Variants in CDK5RAP1 observed in about 807,000 individuals in gnomAD.
CDK5RAP1 encodes the protein mitochondrial tRNA methylthiotransferase CDK5RAP1.
A neutral mutation model predicts 64.5 loss-of-function variants in CDK5RAP1; 62 were observed. The observed-to-expected ratio is 0.96, with a 90% CI of 0.78 to 1.19. The LOEUF (loss-of-function observed/expected upper bound fraction) is 1.19. Among genes scored for constraint, CDK5RAP1 ranks in the 50% most tolerant of loss-of-function variants. The pLI, the probability that CDK5RAP1 is intolerant of heterozygous loss-of-function variation, is 0.00. For synonymous variants in CDK5RAP1, 250 were observed against 261.9 expected, an observed-to-expected ratio of 0.95 and a Z score of 0.44; for missense variants, 657 against 735.0, an observed-to-expected ratio of 0.89 and a Z score of 1.23.
intron 12 of CDK5RAP1, among the ~76,000 whole-genome samples, chr20:33,363,485 TG>T (rs1014347664): frequency 2.0e-4 from 30 of 152,178 alleles, no homozygotes; most frequent in Non-Finnish European, 4.1e-4. Flanking sequence ...TTTGGGGGTT[TG>T]GGGACATCAG....
At position 33,366,844 on chromosome 20, in the gene CDK5RAP1, C is replaced by A. The variant is rs1330502483; in HGVS notation, c.1542+15G>T. ...AACATAAAAAACAACATAACACACACACATATGGCCTCACCCCTTCCACTA... is the reference window on the plus strand; with the variant it reads ...AACATAAAAAACAACATAACACACAAACATATGGCCTCACCCCTTCCACTA... On this transcript the variant is annotated intron_variant, in intron 12 of 13. Coordinates refer to ENST00000346416, the MANE Select transcript of CDK5RAP1 (RefSeq NM_016408.4). 1.9e-6 allele frequency: 3 copies of A among 1,595,244 alleles called. No individual in the cohort carries two copies. Among genetic ancestry groups the A allele is most frequent in the Admixed American group, 3.6e-5 (2 of 55,418 alleles).
chr20:33,364,273 C>G (rs1983483827), intron 12 of CDK5RAP1, among the ~76,000 whole-genome samples: 1 of 150,092 alleles, frequency 6.7e-6, no homozygotes, highest in Non-Finnish European at 1.5e-5. Context: ...ACTGCAACCT[C>G]TGCCTCCCAG....
At position 33,380,569 on chromosome 20, in the gene CDK5RAP1, G is replaced by C. The variant is rs184677377; in HGVS notation, c.877-878C>G. Among the ~76,000 whole-genome samples, 7 of 152,186 alleles carry C rather than the reference G, an allele frequency of 4.6e-5. No homozygotes were observed. The East Asian group carries it at 1.4e-3, about 29-fold the overall frequency. ...AGAAGATACATACTGAAGTATCTAGGGGCAAGTGTCCTGAGGTCTACAAAT... is the reference window on the plus strand; with the variant it reads ...AGAAGATACATACTGAAGTATCTAGCGGCAAGTGTCCTGAGGTCTACAAAT... On this transcript the variant is annotated intron_variant, in intron 7 of 13. Transcript: ENST00000346416.
At chr20:33,381,819 T>C (rs1049935154) in intron 7 of CDK5RAP1, among the ~76,000 whole-genome samples, 1 of 152,268 alleles carries the variant, frequency 6.6e-6, no homozygotes, top group South Asian at 2.1e-4. Context: ...CCAGTCTCCA[T>C]AAAGGCTATT....
At chr20:33,381,084 G>C (rs1986698542) in intron 7 of CDK5RAP1, among the ~76,000 whole-genome samples, 1 of 150,980 alleles carries the variant, frequency 6.6e-6, no homozygotes, top group Non-Finnish European at 1.5e-5. Flanking sequence ...ATAATTTACA[G>C]ACAAACTGCA....
chr20:33,392,143 T>C lies in CDK5RAP1; in HGVS notation c.543A>G (p.Leu181=). 2 of 1,594,774 alleles carry C rather than the reference T, an allele frequency of 1.3e-6. No homozygotes were observed. The highest frequency in any genetic ancestry group is 1.7e-6 in the Non-Finnish European group (2 of 1,165,236). Residue 181 remains leucine (L), a splice_region_variant and synonymous_variant, in exon 5 of 14, where the codon CTA becomes CTG. Transcript: ENST00000346416. The stretch of plus-strand genomic sequence containing the variant: ...CAAAATGTGCAAATTACCAGATACC[T>C]AGAATTCCAATCCTCAGAGGAACCC... ...RSRVPLRIGI[L]GCMAERLKEE... is the part of the protein sequence containing the mutation.
rs76619533 is a variant in CDK5RAP1, at chr20:33,393,350, G to C, written c.443+682C>G. On this transcript the variant is annotated intron_variant, in intron 4 of 13. Transcript: ENST00000346416. ...CCTACTACACCCAGCCTCATTGTTT[G>C]ATTTTTTTTGAACTAGCATTTTTTG... Among the ~76,000 whole-genome samples, 1,200 of 151,932 alleles carry C rather than the reference G, an allele frequency of 7.9e-3. 9 individuals are homozygous for C. Among genetic ancestry groups the C allele is most frequent in the African/African-American group, 0.026 (1,072 of 41,388 alleles).
chr20:33,374,994 G>A (rs1204486181), intron 8 of CDK5RAP1, among the ~76,000 whole-genome samples: 2 of 151,552 alleles, frequency 1.3e-5, no homozygotes, highest in African/African-American at 4.9e-5. Context: ...GTGAGACCTT[G>A]GGTCTATTTT....
rs757353978 is a variant in CDK5RAP1 at position 33,360,491 on chromosome 20, G to C, written c.1543C>G (p.Leu515Val). The C allele has an allele frequency of 6.2e-7, 1 of 1,607,134 alleles. No individual in the cohort carries two copies. Among genetic ancestry groups the C allele is most frequent in the East Asian group, 2.2e-5 (1 of 44,824 alleles). Residue 515 changes from leucine to valine, a missense_variant and splice_region_variant, in exon 13 of 14, where the codon CTC (leucine) becomes GTC (valine). Physicochemically the swap from Leu to Val is conservative, Grantham distance 32 (BLOSUM62 1). Coordinates refer to ENST00000346416, the MANE Select transcript of CDK5RAP1 (RefSeq NM_016408.4). ...AGGTCAGTGGCAGAGCGTTTACTGA[G>C]CTGCAGAAAGAAGAGAGAAGAGTTC... ...GCTQLVLVEG[L>V]SKRSATDLCG...
Position 33,395,050 on chromosome 20 carries a change from T to C in CDK5RAP1, c.371A>G (p.Gln124Arg). ...NDTEIAWSIL[Q>R]KSGYLRTSNL... is the part of the protein sequence containing the mutation. ...ACTGGTCCGCAGGTAGCCACTCTTC[T>C]GTAAGATGGACCAGGCTATCTCTGT... Residue 124 changes from glutamine to arginine, a missense_variant, in exon 3 of 14, where the codon CAG becomes CGG. Transcript: ENST00000346416. 1.9e-6 allele frequency: 3 copies of C among 1,613,410 alleles called. No homozygotes were observed. The highest frequency in any genetic ancestry group is 1.1e-5 in the South Asian group (1 of 91,072).
intron 10 of CDK5RAP1, among the ~76,000 whole-genome samples, chr20:33,370,838 T>C (rs1047879998): frequency 5.3e-5 from 8 of 152,194 alleles, no homozygotes; most frequent in Non-Finnish European, 8.8e-5. Flanking sequence ...TTGGCCTACA[T>C]TTCCCCTAAG....
intron 12 of CDK5RAP1, among the ~76,000 whole-genome samples, chr20:33,362,517 G>A (rs749828034): frequency 2.6e-5 from 4 of 152,196 alleles, no homozygotes; most frequent in Non-Finnish European, 5.9e-5. Flanking sequence ...CAAACAAAAC[G>A]ATGCCCAGTG....
chr20:33,379,256 G>A (rs1465070358), intron 8 of CDK5RAP1, among the ~76,000 whole-genome samples: 1 of 152,148 alleles, frequency 6.6e-6, no homozygotes, highest in Non-Finnish European at 1.5e-5. Flanking sequence ...GTCTCCAAGT[G>A]TTGAGATTAT....
At chr20:33,396,512 C>A (rs1988903244) in intron 2 of CDK5RAP1, among the ~76,000 whole-genome samples, 1 of 152,198 alleles carries the variant, frequency 6.6e-6, no homozygotes, top group African/African-American at 2.4e-5. Context: ...GTTACCCAGA[C>A]TGTTCTTGAA....
intron 5 of CDK5RAP1, among the ~76,000 whole-genome samples, chr20:33,388,056 G>A (rs1452655281): frequency 6.9e-6 from 1 of 145,758 alleles, no homozygotes; most frequent in Non-Finnish European, 1.5e-5. Flanking sequence ...CAACAAGGGT[G>A]AAACTCCGTC....
At chr20:33,361,048 C>T (rs961599569) in intron 12 of CDK5RAP1, among the ~76,000 whole-genome samples, 3 of 152,174 alleles carry the variant, frequency 2.0e-5, no homozygotes, top group African/African-American at 7.2e-5. Flanking sequence ...ACAAGTTTAC[C>T]CTTCAGCCTT....
At chr20:33,386,208 C>T (rs374450897) in intron 6 of CDK5RAP1, among the ~76,000 whole-genome samples, 42 of 152,246 alleles carry the variant, frequency 2.8e-4, no homozygotes, top group African/African-American at 8.9e-4. Context: ...GGACTACAGG[C>T]GCCTGCCACC....
At chr20:33,392,449 T>G (rs577945226) in intron 4 of CDK5RAP1, among the ~76,000 whole-genome samples, 1 of 151,336 alleles carries the variant, frequency 6.6e-6, no homozygotes, top group African/African-American at 2.4e-5. Flanking sequence ...ATTAGGAGAT[T>G]TTTTTGGGGG....
intron 5 of CDK5RAP1, among the ~76,000 whole-genome samples, chr20:33,391,364 A>C (rs291701): frequency 0.15 from 23,431 of 152,086 alleles, 2,168 homozygotes; most frequent in East Asian, 0.39. Flanking sequence ...TGAGAAGTTG[A>C]AATGTGGCTA....
Sources: gnomAD v4.1 joint callset for allele counts (sites outside exome capture counted in the v4.1 genomes callset) on GRCh38, gnomAD v4.1.1 for gene constraint, MANE v1.5 for transcripts, NCBI Gene and HGNC (gene_info 2026-07-23, HGNC 2026-07-21) for gene names.